Variants in SHANK1 observed in about 807,000 individuals in gnomAD.
The protein encoded by SHANK1 is SH3 and multiple ankyrin repeat domains protein 1.
SHANK1 carries 35 observed loss-of-function variants against 165.6 expected under a neutral mutation model. That is an observed-to-expected ratio of 0.21 (90% confidence interval 0.16 to 0.28). The LOEUF (loss-of-function observed/expected upper bound fraction) is 0.28, where lower values mean the gene tolerates loss of function less well. SHANK1 is among the 10% of genes least tolerant of loss of function. The pLI, the probability that SHANK1 is intolerant of heterozygous loss-of-function variation, is 1.00. For missense variants in SHANK1, 2,681 were observed against 3,036.4 expected (o/e 0.88, Z 2.75); for synonymous variants, 1,428 against 1,384.8 (o/e 1.03, Z -0.69).
Position 50,667,632 on chromosome 19 carries a change from G to C in SHANK1, c.4328C>G (p.Ser1443Cys). Reference protein sequence around the residue: ...LPASPPAARRSLLHRLPPTAP... With the variant: ...LPASPPAARRCLLHRLPPTAP... ...GGTGGGCGGCAGGCGGTGTAGCAGG[G>C]AACGCCGGGCGGCGGGCGGGCTGGC... The change falls in exon 23 of 24, where the codon TCC becomes TGC. Residue 1443 changes from serine (S) to cysteine (C), a missense_variant. By Grantham distance (112) the Ser-to-Cys change is moderately radical. This residue lies in a region of SHANK1 where 1,713 missense variants were observed against 1,630.2 expected (regional missense o/e 1.05). Transcript: ENST00000293441. The surrounding 1 kb of genome is among the most constrained non-coding windows in gnomAD (Gnocchi z 5.7). 7.0e-7 allele frequency: 1 copy of C among 1,423,796 alleles called. No individual in the cohort carries two copies. Among genetic ancestry groups the C allele is most frequent in the Non-Finnish European group, 9.1e-7 (1 of 1,099,036 alleles). The allele number at this position is 1,423,796 out of a possible 1,614,324, so 88.2% of individuals were successfully genotyped here.
rs1179407295 is a variant in SHANK1, at chr19:50,667,307, G to C, written c.4653C>G (p.Ala1551=). Residue 1551 remains alanine (A), a synonymous_variant, in exon 23 of 24, where the codon GCC becomes GCG. Transcript: ENST00000293441. The surrounding 1 kb of genome is among the most constrained non-coding windows in gnomAD (Gnocchi z 5.7). ...GLPLLVLPPP[A]PSVDVEDGEF... ...CGCCATCTTCCACATCCACCGAGGG[G>C]GCGGGAGGCGGCAGGACCAGCAGGG... 2 of 1,590,988 alleles carry C rather than the reference G, an allele frequency of 1.3e-6. No homozygotes were observed. The highest frequency in any genetic ancestry group is 1.7e-6 in the Non-Finnish European group (2 of 1,175,270).
In SHANK1 at chr19:50,690,064, A is replaced by G. The variant is rs576796192; in HGVS notation, c.1965-785T>C. Reference sequence around the variant, plus strand: ...GCTGCACATGGCTGGTGGCCACCACATTGGACAGTACAGATATAGAACATT... The same window carrying G: ...GCTGCACATGGCTGGTGGCCACCACGTTGGACAGTACAGATATAGAACATT... On this transcript the variant is annotated intron_variant, in intron 15 of 23. Transcript: ENST00000293441. The surrounding 1 kb of genome is among the most constrained non-coding windows in gnomAD (Gnocchi z 4.9). Among the ~76,000 whole-genome samples, 5 of 152,302 alleles carry G rather than the reference A, an allele frequency of 3.3e-5. No individual in the cohort carries two copies. The East Asian group carries it at 7.7e-4, about 23-fold the overall frequency.
rs1986787498 is a variant in SHANK1, at chr19:50,697,748, A to G, written c.1862-84T>C. The G allele has an allele frequency of 3.3e-6, 5 of 1,530,970 alleles. No homozygotes were observed. The highest frequency in any genetic ancestry group is 2.7e-6 in the Non-Finnish European group (3 of 1,106,890). The allele number at this position is 1,530,970 out of a possible 1,614,324, so 94.8% of individuals were successfully genotyped here. ...TAGAGCTCCTGGCCCAAGTCTTCCC[A>G]TCTACCTCCCAGTACCCCACCCCCA... On this transcript the variant is annotated intron_variant, in intron 13 of 23. Coordinates refer to ENST00000293441, the MANE Select transcript of SHANK1 (RefSeq NM_016148.5). The surrounding 1 kb of genome is among the most constrained non-coding windows in gnomAD (Gnocchi z 4.7).
In SHANK1 at chr19:50,667,032, C is replaced by A; in HGVS notation, c.4928G>T (p.Gly1643Val). ...AGGCGGGCCTGGTGGATGGGGGTCC[C>A]CAGGAGCGGCGGAGGCCCCCTGGGT... ...TLTQGASAAP[G>V]DPHPPGPPAP... Residue 1643 changes from glycine to valine, a missense_variant, in exon 23 of 24, where the codon GGG (glycine) becomes GTG (valine). Physicochemically the swap from Gly to Val is moderately radical, Grantham distance 109. Coordinates refer to ENST00000293441, the MANE Select transcript of SHANK1 (RefSeq NM_016148.5). The surrounding 1 kb of genome is among the most constrained non-coding windows in gnomAD (Gnocchi z 5.7). 1 of 1,547,988 alleles carries A rather than the reference C, an allele frequency of 6.5e-7. No individual in the cohort carries two copies. Among genetic ancestry groups the A allele is most frequent in the Non-Finnish European group, 8.7e-7 (1 of 1,150,754 alleles).
intron 9 of SHANK1, 33 bp from the exon 10 acceptor site, chr19:50,704,219 G>A (rs757953925): frequency 1.2e-6 from 2 of 1,606,286 alleles, no homozygotes; most frequent in Non-Finnish European, 8.5e-7. Flanking sequence ...GGTCGGCCAG[G>A]GGGGCCCAGG....
chr19:50,712,876 A>G (rs2089023989), intron 6 of SHANK1, among the ~76,000 whole-genome samples: 1 of 152,100 alleles, frequency 6.6e-6, no homozygotes, highest in Admixed American at 6.5e-5. Context: ...ACTTCATTCT[A>G]TTTAATTTAA....
At chr19:50,682,065 A>AT (rs34764027) in intron 21 of SHANK1, among the ~76,000 whole-genome samples, 62,153 of 145,804 alleles carry the variant, frequency 0.43, 13,105 homozygotes, top group Middle Eastern at 0.47. Flanking sequence ...CCTTTTTTCT[A>AT]TTTTTTTTTT....
chr19:50,671,523 C>A (rs1421713504), intron 22 of SHANK1, among the ~76,000 whole-genome samples: 1 of 150,756 alleles, frequency 6.6e-6, no homozygotes, highest in African/African-American at 2.4e-5. Flanking sequence ...CAACTGCTAA[C>A]ATACTAGATA....
At chr19:50,714,336 G>A (rs1284748545) in intron 4 of SHANK1, 46 bp from the exon 5 acceptor site, 1 of 1,555,338 alleles carries the variant, frequency 6.4e-7, no homozygotes, top group East Asian at 2.3e-5. Context: ...TCAGGAGCAA[G>A]GCAGAGAAGC....
At chr19:50,671,653 T>C (rs1468689480) in intron 22 of SHANK1, among the ~76,000 whole-genome samples, 1 of 152,078 alleles carries the variant, frequency 6.6e-6, no homozygotes, top group Non-Finnish European at 1.5e-5. Flanking sequence ...TCTAGAACAA[T>C]TCCTGGCATG....
chr19:50,702,709 A>G lies in SHANK1; in HGVS notation c.1554-49T>C. ...GGAGGGGAGGGTGGAGGGAGGGGAC[A>G]CCTCTGGGAGGACAGGGGTCCTTGG... On this transcript the variant is annotated intron_variant, in intron 11 of 23. Transcript: ENST00000293441. The surrounding 1 kb of genome is among the most constrained non-coding windows in gnomAD (Gnocchi z 5.3). The G allele has an allele frequency of 8.4e-7, 1 of 1,196,092 alleles. No individual in the cohort carries two copies. The highest frequency in any genetic ancestry group is 2.8e-5 in the East Asian group (1 of 35,338). The allele number at this position is 1,196,092 out of a possible 1,614,324, so 74.1% of individuals were successfully genotyped here.
rs775267902 is a variant in SHANK1 at position 50,666,465 on chromosome 19, G to T, written c.5495C>A (p.Ser1832Tyr). The change falls in exon 23 of 24, where the codon TCT becomes TAT. Residue 1832 changes from serine to tyrosine, a missense_variant. Ser to Tyr is a moderately radical substitution (Grantham distance 144, BLOSUM62 -2). Around this residue, in one of 10 missense-constraint regions of SHANK1, gnomAD observed 1,713 missense variants for 1,630.2 expected, o/e 1.05. Transcript: ENST00000293441. ...VPPVPLPTAS[S>Y]LPRKLLPWEE... ...CCAGGGCAGCAGCTTCCGGGGCAGA[G>T]AGGAGGCCGTCGGCAAGGGCACCGG... is the stretch of plus-strand genomic sequence containing the variant. The T allele has an allele frequency of 6.2e-7, 1 of 1,605,284 alleles. No individual in the cohort carries two copies. The highest frequency in any genetic ancestry group is 8.5e-7 in the Non-Finnish European group (1 of 1,177,504).
In SHANK1 at chr19:50,713,206, C is replaced by T. The variant is rs2089028519; in HGVS notation, c.792+592G>A. On this transcript the variant is annotated intron_variant, in intron 6 of 23. Transcript: ENST00000293441. The surrounding 1 kb of genome is among the most constrained non-coding windows in gnomAD (Gnocchi z 6.2). Reference sequence around the variant, plus strand: ...CTCATGTGAAGAGCAATCAGGTGTCCTGGCGGGGGCAGGGGGAGAAGAGTA... The same window carrying T: ...CTCATGTGAAGAGCAATCAGGTGTCTTGGCGGGGGCAGGGGGAGAAGAGTA... Among the ~76,000 whole-genome samples the T allele has an allele frequency of 6.6e-6, 1 of 152,144 alleles. No homozygotes were observed. Among genetic ancestry groups the T allele is most frequent in the African/African-American group, 2.4e-5 (1 of 41,420 alleles).
intron 23 of SHANK1, among the ~76,000 whole-genome samples, chr19:50,663,481 T>G (rs1048871344): frequency 6.6e-6 from 1 of 152,140 alleles, no homozygotes; most frequent in Admixed American, 6.6e-5. Context: ...CCACCTTGCC[T>G]GTTACATGAG....
rs1371113973 is a variant in SHANK1, at chr19:50,704,510, G to T, written c.1082C>A (p.Thr361Asn). ...LHICALYNKE[T>N]CARILLYRGA... ...TCGATACAGGAGGATCCTGGCACAGGTCTCCTGCGGGTAATGGCCAGTGGC... is the reference window on the plus strand; with the variant it reads ...TCGATACAGGAGGATCCTGGCACAGTTCTCCTGCGGGTAATGGCCAGTGGC... The change falls in exon 9 of 24, where the codon ACC becomes AAC. Residue 361 changes from threonine (T) to asparagine (N), a missense_variant. Physicochemically the swap from Thr to Asn is moderately conservative, Grantham distance 65 (BLOSUM62 0). Transcript: ENST00000293441. 1 of 1,613,844 alleles carries T rather than the reference G, an allele frequency of 6.2e-7. No individual in the cohort carries two copies. Among genetic ancestry groups the T allele is most frequent in the African/African-American group, 1.3e-5 (1 of 74,910 alleles).
intron 21 of SHANK1, among the ~76,000 whole-genome samples, chr19:50,682,425 T>C (rs1986208500): frequency 6.6e-6 from 1 of 152,180 alleles, no homozygotes; most frequent in Non-Finnish European, 1.5e-5. Context: ...GTTAACCTCA[T>C]GGAACCCTCA....
Position 50,686,710 on chromosome 19 carries a change from C to T in SHANK1, c.2458+34G>A, listed in dbSNP as rs546557385. The T allele has an allele frequency of 3.1e-6, 5 of 1,602,288 alleles. No individual in the cohort carries two copies. Among genetic ancestry groups the T allele is most frequent in the Non-Finnish European group, 4.3e-6 (5 of 1,171,304 alleles). On this transcript the variant is annotated intron_variant, in intron 20 of 23. Coordinates refer to ENST00000293441, the MANE Select transcript of SHANK1 (RefSeq NM_016148.5). This position sits in a 1 kb window ranked among gnomAD's most constrained non-coding sequence, Gnocchi z 5.7. ...TGCAGCGGGTGCCGGGGCTGGGGCCCGGCATCCCGAGGAGCAGGGCTGGGC... is the reference window on the plus strand; with the variant it reads ...TGCAGCGGGTGCCGGGGCTGGGGCCTGGCATCCCGAGGAGCAGGGCTGGGC...
At chr19:50,694,196 C>G (rs1323728772) in intron 15 of SHANK1, among the ~76,000 whole-genome samples, 1 of 151,962 alleles carries the variant, frequency 6.6e-6, no homozygotes, top group African/African-American at 2.4e-5. Context: ...CACACACACA[C>G]GCACACACAC....
intron 19 of SHANK1, chr19:50,687,115 A>G: frequency 9.5e-7 from 1 of 1,053,074 alleles, no homozygotes; most frequent in South Asian, 2.2e-5. Context: ...CCTGTCTGGA[A>G]GCCCGCCTCC....
Sources: gnomAD v4.1 joint callset for allele counts (sites outside exome capture counted in the v4.1 genomes callset) on GRCh38, gnomAD v4.1.1 for gene constraint, gnomAD v4.1.1 regional missense constraint, Gnocchi (gnomAD v3.1) non-coding constraint, MANE v1.5 for transcripts, NCBI Gene and HGNC (gene_info 2026-07-23, HGNC 2026-07-21) for gene names.